TXNDC11: variants seen among roughly 807,000 people sequenced by gnomAD.
TXNDC11 encodes the protein thioredoxin domain containing 11, also known as thioredoxin domain-containing protein 11.
In TXNDC11, 68 loss-of-function variants were observed where a neutral mutation model predicts 78.0. The ratio of observed to expected loss-of-function variants is 0.87; its 90% CI spans 0.72 to 1.07. The LOEUF (loss-of-function observed/expected upper bound fraction) is 1.07, where lower values mean the gene tolerates loss of function less well. Among genes scored for constraint, TXNDC11 ranks in the 50% least tolerant of loss-of-function variants. TXNDC11 has a pLI of 0.00. For synonymous variants in TXNDC11, 571 were observed against 495.2 expected (o/e 1.15, Z -2.03); for missense variants, 1,389 against 1,221.8 (o/e 1.14, Z -2.04).
intron 1 of TXNDC11, 177 bp downstream of exon 1, chr16:11,742,300 G>C (rs1302423130): frequency 2.1e-6 from 1 of 486,542 alleles, no homozygotes; most frequent in African/African-American, 2.0e-5. Context: ...CCGCGGGCGG[G>C]CCGGGGCGAG....
Position 11,691,977 on chromosome 16 carries a change from C to T in TXNDC11, c.1213G>A (p.Ala405Thr). The T allele has an allele frequency of 6.2e-7, 1 of 1,601,508 alleles. No individual in the cohort carries two copies. Among genetic ancestry groups the T allele is most frequent in the Non-Finnish European group, 8.5e-7 (1 of 1,172,710 alleles). ...RVDAPVLESL[A>T]LEVPAQLPDP... ...GGCAGCTGTGCCGGCACTTCCAGGG[C>T]CAGGGACTCCAGCACTGGAGCATCC... Residue 405 changes from alanine to threonine, a missense_variant, in exon 8 of 12, where the codon GCC (alanine) becomes ACC (threonine). By Grantham distance (58) the Ala-to-Thr change is moderately conservative (BLOSUM62 0). Transcript: ENST00000283033.
chr16:11,704,432 G>A (rs2141042295), intron 5 of TXNDC11, among the ~76,000 whole-genome samples: 1 of 152,302 alleles, frequency 6.6e-6, no homozygotes, highest in Middle Eastern at 3.4e-3. Flanking sequence ...TTTACATAGT[G>A]TCAAATGATC....
At chr16:11,721,237 G>A (rs914882706) in intron 5 of TXNDC11, 5 of 179,918 alleles carry the variant, frequency 2.8e-5, no homozygotes, top group South Asian at 1.9e-4. Flanking sequence ...TCAGGAGTTC[G>A]AGACCAGCCT....
rs534644417 is a variant in TXNDC11, at chr16:11,721,612, G to A, written c.758C>T (p.Thr253Ile). The change falls in exon 5 of 12, where the codon ACC becomes ATC. Residue 253 changes from threonine (T) to isoleucine (I), a missense_variant. Transcript: ENST00000283033. ...TGAATGTAATGCTGAGGTGAAGAAGGTCAAATAACCAGGAGGCTGGGGTGA... is the reference window on the plus strand; with the variant it reads ...TGAATGTAATGCTGAGGTGAAGAAGATCAAATAACCAGGAGGCTGGGGTGA... ...SGSPQPPGYL[T>I]FFTSALHSLK... The A allele has an allele frequency of 1.6e-5, 26 of 1,612,034 alleles. No homozygotes were observed. The African/African-American group carries it at 3.1e-4, about 19-fold the overall frequency.
At chr16:11,740,573 GA>G (rs1429684824) in intron 1 of TXNDC11, among the ~76,000 whole-genome samples, 3 of 152,220 alleles carry the variant, frequency 2.0e-5, no homozygotes, top group Non-Finnish European at 4.4e-5. Context: ...CCTGGAGGGG[GA>G]AACCTCTCTT....
chr16:11,695,495 A>C (rs1349152009), intron 7 of TXNDC11, among the ~76,000 whole-genome samples: 2 of 152,192 alleles, frequency 1.3e-5, no homozygotes, highest in Non-Finnish European at 2.9e-5. Flanking sequence ...CGTGGTCAAC[A>C]AGCTAATGAA....
intron 10 of TXNDC11, among the ~76,000 whole-genome samples, chr16:11,685,958 T>A (rs551463011): frequency 6.6e-6 from 1 of 152,242 alleles, no homozygotes; most frequent in South Asian, 2.1e-4. Flanking sequence ...TTGGTCTATA[T>A]GCTTACTTTT....
rs2052442998 is a variant in TXNDC11 at position 11,742,657 on chromosome 16, C to A, written c.74G>T (p.Gly25Val). The A allele has an allele frequency of 2.7e-6, 4 of 1,460,624 alleles. No individual in the cohort carries two copies. The highest frequency in any genetic ancestry group is 3.6e-6 in the Non-Finnish European group (4 of 1,112,120). The allele number at this position is 1,460,624 out of a possible 1,614,324, so 90.5% of individuals were successfully genotyped here. The change falls in exon 1 of 12, where the codon GGC becomes GTC. Residue 25 changes from glycine (G) to valine (V), a missense_variant. Coordinates refer to ENST00000283033, the MANE Select transcript of TXNDC11 (RefSeq NM_015914.7). The part of the protein sequence containing the change: ...EDAEDEGGGG[G>V]GPAGSDCLSS... ...GAGGCAGTCTGAGCCCGCGGGGCCGCCGCCGCCCCCTCCCTCGTCCTCGGC... is the reference window on the plus strand; with the variant it reads ...GAGGCAGTCTGAGCCCGCGGGGCCGACGCCGCCCCCTCCCTCGTCCTCGGC...
intron 4 of TXNDC11, among the ~76,000 whole-genome samples, chr16:11,730,426 C>G (rs1433936754): frequency 6.6e-6 from 1 of 152,164 alleles, no homozygotes; most frequent in Admixed American, 6.5e-5. Flanking sequence ...TAACGAAAAA[C>G]AAAGACTTTG....
At chr16:11,711,757 T>C (rs889672003) in intron 5 of TXNDC11, among the ~76,000 whole-genome samples, 1 of 152,220 alleles carries the variant, frequency 6.6e-6, no homozygotes, top group African/African-American at 2.4e-5. Context: ...TTATGAGCCC[T>C]GCCTACCACA....
rs192155780 is a variant in TXNDC11 at position 11,696,805 on chromosome 16, C to T, written c.1107+1320G>A. On this transcript the variant is annotated intron_variant, in intron 7 of 11. Transcript: ENST00000283033. ...AAACAACAGGCGAGAAAGAGTCTTC[C>T]CACCAGGTGCCTAAATCCAACCACA... Among the ~76,000 whole-genome samples the T allele has an allele frequency of 2.2e-4, 33 of 152,200 alleles. No individual in the cohort carries two copies. In the East Asian group the frequency reaches 6.4e-3, roughly 29 times the overall value.
chr16:11,726,023 A>G (rs1293630534), intron 4 of TXNDC11, among the ~76,000 whole-genome samples: 1 of 152,072 alleles, frequency 6.6e-6, no homozygotes, highest in Non-Finnish European at 1.5e-5. Context: ...GACTACAGGC[A>G]TGTGCCACCA....
At chr16:11,727,165 CTAGAT>C (rs1432599423) in intron 4 of TXNDC11, among the ~76,000 whole-genome samples, 7 of 152,128 alleles carry the variant, frequency 4.6e-5, no homozygotes, top group African/African-American at 1.4e-4. Flanking sequence ...TCACAAATAT[CTAGAT>C]TAGAGACAAA....
chr16:11,690,442 C>T (rs2050679546), intron 8 of TXNDC11, among the ~76,000 whole-genome samples: 1 of 152,198 alleles, frequency 6.6e-6, no homozygotes, highest in South Asian at 2.1e-4. Flanking sequence ...AGCAATATTA[C>T]TCAGTACATT....
At chr16:11,717,714 G>C (rs1029963629) in intron 5 of TXNDC11, among the ~76,000 whole-genome samples, 5 of 151,294 alleles carry the variant, frequency 3.3e-5, no homozygotes, top group East Asian at 2.0e-4. Flanking sequence ...CCAGCTACTC[G>C]GGAGGCTGAG....
chr16:11,680,999 T>C lies in TXNDC11; in HGVS notation c.2235-1162A>G, dbSNP rs957439673. 2.4e-4 allele frequency among the ~76,000 whole-genome samples: 37 copies of C among 152,028 alleles called. 1 individual carries two copies. The highest frequency in any genetic ancestry group is 8.7e-4 in the African/African-American group (36 of 41,386). On this transcript the variant is annotated intron_variant, in intron 11 of 11. Coordinates refer to ENST00000283033, the MANE Select transcript of TXNDC11 (RefSeq NM_015914.7). ...CTGGACAATATAGTAAGGCCTCATC[T>C]GTATAAAAAGTAAGATAAAAAAATT...
chr16:11,702,252 TATA>T (rs1490609350), intron 5 of TXNDC11, among the ~76,000 whole-genome samples: 3 of 151,896 alleles, frequency 2.0e-5, no homozygotes, highest in African/African-American at 7.3e-5. Context: ...TTTCATGGAG[TATA>T]ATATTTGTGT....
Position 11,679,756 on chromosome 16 carries a change from G to T in TXNDC11, c.2316C>A (p.Asp772Glu), listed in dbSNP as rs2050372234. 1 of 1,614,168 alleles carries T rather than the reference G, an allele frequency of 6.2e-7. No homozygotes were observed. Among genetic ancestry groups the T allele is most frequent in the Middle Eastern group, 1.6e-4 (1 of 6,062 alleles). The change falls in exon 12 of 12, where the codon GAC becomes GAA. Residue 772 changes from aspartate to glutamate, a missense_variant. By Grantham distance (45) the Asp-to-Glu change is conservative. Coordinates refer to ENST00000283033, the MANE Select transcript of TXNDC11 (RefSeq NM_015914.7). The surrounding 1 kb of genome is among the most constrained non-coding windows in gnomAD (Gnocchi z 4.6). Reference protein sequence around the residue: ...NLLRFILHHSDPASSPQNVAN... With the variant: ...NLLRFILHHSEPASSPQNVAN... ...CCACATTCTGGGGGCTGGAAGCAGG[G>T]TCTGAGTGATGCAAAATGAACCTCA...
At chr16:11,718,306 G>A (rs2051603580) in intron 5 of TXNDC11, among the ~76,000 whole-genome samples, 1 of 152,212 alleles carries the variant, frequency 6.6e-6, no homozygotes, top group Admixed American at 6.5e-5. Flanking sequence ...AAAGGCATGT[G>A]TATTGTATAA....
Sources: gnomAD v4.1 joint callset for allele counts (sites outside exome capture counted in the v4.1 genomes callset) on GRCh38, gnomAD v4.1.1 for gene constraint, Gnocchi (gnomAD v3.1) non-coding constraint, MANE v1.5 for transcripts, NCBI Gene and HGNC (gene_info 2026-07-23, HGNC 2026-07-21) for gene names.